SCRG1: variants seen among roughly 807,000 people sequenced by gnomAD.
The protein encoded by SCRG1 is scrapie-responsive protein 1.
Under a neutral mutation model 7.7 loss-of-function variants are expected in SCRG1, and 3 were observed. That is an observed-to-expected ratio of 0.39 (90% confidence interval 0.18 to 1.01). The LOEUF is 1.01. Among genes scored for constraint, SCRG1 ranks in the 50% least tolerant of loss-of-function variants. SCRG1 has a pLI of 0.36. For missense variants in SCRG1, 110 were observed against 117.2 expected, an observed-to-expected ratio of 0.94 and a Z score of 0.28; for synonymous variants, 46 against 41.2, an observed-to-expected ratio of 1.12 and a Z score of -0.44.
Position 173,386,909 on chromosome 4 carries a change from G to C in SCRG1, c.*1432C>G, listed in dbSNP as rs1025419089. 1.3e-5 allele frequency: 2 copies of C among 152,242 alleles called. No homozygotes were observed. The highest frequency in any genetic ancestry group is 1.3e-4 in the Admixed American group (2 of 15,298). 9.4% of individuals were successfully genotyped at this position (152,242 alleles called of 1,614,324 possible). On this transcript the variant is annotated 3_prime_UTR_variant, in exon 3 of 3. Coordinates refer to ENST00000296506, the MANE Select transcript of SCRG1 (RefSeq NM_007281.4). Reference sequence around the variant, plus strand: ...CTTAATAATGGCTGGCACTTAGCAGGCTTTGAATACATTTTTATAACATGA... The same window carrying C: ...CTTAATAATGGCTGGCACTTAGCAGCCTTTGAATACATTTTTATAACATGA...
At chr4:173,505,614 G>A in the SCRG1 span, among the ~76,000 whole-genome samples, 3 of 152,136 alleles carry the variant, frequency 2.0e-5, no homozygotes, top group Non-Finnish European at 4.4e-5. The surrounding 1 kb of genome is among the most constrained non-coding windows in gnomAD (Gnocchi z 4.4). Flanking sequence ...CCACAGGCCC[G>A]AACACTCCTT....
At chr4:173,391,477 T>C in intron 1 of SCRG1, 49 bp from the exon 2 acceptor site, 2 of 1,587,328 alleles carry the variant, frequency 1.3e-6, no homozygotes, top group Non-Finnish European at 1.7e-6. Context: ...TTTTTAAAGA[T>C]AGAATTCATC....
the SCRG1 span, among the ~76,000 whole-genome samples, chr4:173,461,664 ATCT>A: frequency 2.0e-5 from 3 of 152,300 alleles, no homozygotes; most frequent in South Asian, 6.2e-4. Flanking sequence ...ACCAAAGAAC[ATCT>A]TCTAGCATCA....
chr4:173,411,429 C>CT, the SCRG1 span, among the ~76,000 whole-genome samples: 3 of 152,294 alleles, frequency 2.0e-5, no homozygotes, highest in African/African-American at 7.2e-5. Context: ...TGAAACCTAT[C>CT]TTTTCCCAGG....
chr4:173,437,101 A>G, the SCRG1 span, among the ~76,000 whole-genome samples: 57,478 of 152,072 alleles, frequency 0.38, 11,071 homozygotes, highest in South Asian at 0.53. Flanking sequence ...TGTTAACATC[A>G]ACTCCTGCTT....
At chr4:173,438,641 A>G in the SCRG1 span, among the ~76,000 whole-genome samples, 1 of 152,130 alleles carries the variant, frequency 6.6e-6, no homozygotes, top group African/African-American at 2.4e-5. Flanking sequence ...TTAGAAAAAT[A>G]CCATCGAAAT....
At chr4:173,389,018 CAT>C (rs1213662914) in intron 2 of SCRG1, among the ~76,000 whole-genome samples, 1 of 151,856 alleles carries the variant, frequency 6.6e-6, no homozygotes, top group Non-Finnish European at 1.5e-5. Context: ...AAAATTATAT[CAT>C]AATATAAATG....
rs1018831029 is a variant in SCRG1, at chr4:173,391,316, T to C, written c.99A>G (p.Leu33=). 3.1e-6 allele frequency: 5 copies of C among 1,614,060 alleles called. No homozygotes were observed. The highest frequency in any genetic ancestry group is 4.2e-6 in the Non-Finnish European group (5 of 1,180,046). The change falls in exon 2 of 3, where the codon CTA becomes CTG. Residue 33 remains leucine (L), a synonymous_variant. Coordinates refer to ENST00000296506, the MANE Select transcript of SCRG1 (RefSeq NM_007281.4). ...ANRLSCYRKI[L]KDHNCHNLPE... is the part of the protein sequence containing the mutation. The stretch of plus-strand genomic sequence containing the variant: ...GAAGGTTGTGACAGTTGTGATCTTT[T>C]AGTATCTTTCTGTAGCAAGAGAGGC...
chr4:173,404,176 CA>C (rs1192066754), exon 3 of SCRG1: 1 of 152,124 alleles, frequency 6.6e-6, no homozygotes, highest in African/African-American at 2.4e-5. Context: ...GAAACCAAGA[CA>C]AAACTGTGCT....
chr4:173,484,300 A>C, the SCRG1 span, among the ~76,000 whole-genome samples: 1 of 76,068 alleles, frequency 1.3e-5, no homozygotes, highest in East Asian at 3.9e-4. Flanking sequence ...TGTAATGTAT[A>C]TTTTATATAT....
the SCRG1 span, among the ~76,000 whole-genome samples, chr4:173,479,423 T>TTTTG: frequency 6.6e-5 from 10 of 151,220 alleles, no homozygotes; most frequent in East Asian, 1.0e-3. Flanking sequence ...AACCTGTTTT[T>TTTTG]TTTGTTTGTT....
the SCRG1 span, among the ~76,000 whole-genome samples, chr4:173,483,527 A>G: frequency 5.3e-5 from 5 of 93,512 alleles, 1 homozygote; most frequent in Admixed American, 3.6e-4. Flanking sequence ...TATATTATAT[A>G]TTGTATTATG....
At chr4:173,509,213 A>G in the SCRG1 span, among the ~76,000 whole-genome samples, 8 of 152,144 alleles carry the variant, frequency 5.3e-5, no homozygotes, top group Admixed American at 1.3e-4. The surrounding 1 kb of genome is among the most constrained non-coding windows in gnomAD (Gnocchi z 5.7). Context: ...TGCGAGGGGC[A>G]CTGGAGAAAG....
chr4:173,426,194 C>T, the SCRG1 span, among the ~76,000 whole-genome samples: 1 of 152,130 alleles, frequency 6.6e-6, no homozygotes, highest in Non-Finnish European at 1.5e-5. Flanking sequence ...TGTTGTTTAC[C>T]TTGCAGCCCT....
intron 1 of SCRG1, among the ~76,000 whole-genome samples, chr4:173,393,119 T>C (rs1347295135): frequency 2.6e-5 from 4 of 151,968 alleles, no homozygotes; most frequent in African/African-American, 9.7e-5. Context: ...AGCAATATTG[T>C]GCAATGGACA....
chr4:173,415,247 A>C, the SCRG1 span, among the ~76,000 whole-genome samples: 2 of 152,312 alleles, frequency 1.3e-5, no homozygotes, highest in East Asian at 3.9e-4. Flanking sequence ...CAGGGTTTGC[A>C]ATTCAGGATT....
the SCRG1 span, chr4:173,419,731 T>A: frequency 9.0e-7 from 1 of 1,116,352 alleles, no homozygotes; most frequent in Non-Finnish European, 1.3e-6. Flanking sequence ...TGGCAAGGTC[T>A]GCGACCAAAT....
chr4:173,461,708 A>G, the SCRG1 span, among the ~76,000 whole-genome samples: 2 of 152,174 alleles, frequency 1.3e-5, no homozygotes, highest in Non-Finnish European at 2.9e-5. Flanking sequence ...ACCTCACCAA[A>G]TGATCTAAAT....
At chr4:173,483,326 T>C in the SCRG1 span, among the ~76,000 whole-genome samples, 43 of 39,974 alleles carry the variant, frequency 1.1e-3, 4 homozygotes, top group African/African-American at 2.8e-3. Context: ...TATCATATAT[T>C]ATATATTATA....
Sources: gnomAD v4.1 joint callset for allele counts (sites outside exome capture counted in the v4.1 genomes callset) on GRCh38, gnomAD v4.1.1 for gene constraint, Gnocchi (gnomAD v3.1) non-coding constraint, MANE v1.5 for transcripts, NCBI Gene and HGNC (gene_info 2026-07-23, HGNC 2026-07-21) for gene names.